SLC35D4: variants seen among roughly 807,000 people sequenced by gnomAD.
The protein encoded by SLC35D4 is solute carrier family 35 member D4, also known as UDP-N-acetylglucosamine transporter SLC35D4.
the SLC35D4 span, among the ~76,000 whole-genome samples, chr18:23,305,860 A>G: frequency 6.6e-6 from 1 of 152,162 alleles, no homozygotes; most frequent in South Asian, 2.1e-4. Context: ...AGAGGCAGTG[A>G]TTTTTGACTT....
At chr18:23,287,802 G>C in the SLC35D4 span, among the ~76,000 whole-genome samples, 1 of 152,310 alleles carries the variant, frequency 6.6e-6, no homozygotes, top group Non-Finnish European at 1.5e-5. Context: ...GAAGTGCAGA[G>C]CTGTGCAGTC....
the SLC35D4 span, among the ~76,000 whole-genome samples, chr18:23,387,468 G>T: frequency 6.6e-6 from 1 of 152,312 alleles, no homozygotes; most frequent in East Asian, 1.9e-4. Flanking sequence ...CACAAAGGGT[G>T]TCAATAACAT....
At chr18:23,252,833 G>A in the SLC35D4 span, 8 of 624,826 alleles carry the variant, frequency 1.3e-5, no homozygotes, top group South Asian at 1.5e-4. Flanking sequence ...AGCCCTTGTT[G>A]TAGCTCCAAT....
At chr18:23,256,875 T>C in the SLC35D4 span, among the ~76,000 whole-genome samples, 1 of 152,238 alleles carries the variant, frequency 6.6e-6, no homozygotes, top group Non-Finnish European at 1.5e-5. Context: ...AGTGCTGCAA[T>C]TGGCTACACA....
At chr18:23,400,016 AG>A in the SLC35D4 span, among the ~76,000 whole-genome samples, 3 of 152,334 alleles carry the variant, frequency 2.0e-5, no homozygotes, top group African/African-American at 7.2e-5. Flanking sequence ...AAAATTGAAA[AG>A]GTTATTTACC....
chr18:23,369,431 C>A, the SLC35D4 span, among the ~76,000 whole-genome samples: 1 of 152,202 alleles, frequency 6.6e-6, no homozygotes, highest in African/African-American at 2.4e-5. Flanking sequence ...ACCAAAGCTG[C>A]TCCATTGACT....
At chr18:23,375,085 A>C in the SLC35D4 span, among the ~76,000 whole-genome samples, 224 of 151,856 alleles carry the variant, frequency 1.5e-3, no homozygotes, top group Admixed American at 3.5e-3. Flanking sequence ...ACTGCACTCC[A>C]GCCTGGGCAA....
the SLC35D4 span, among the ~76,000 whole-genome samples, chr18:23,409,690 A>C: frequency 3.3e-5 from 5 of 152,154 alleles, no homozygotes; most frequent in African/African-American, 1.2e-4. Flanking sequence ...TAAAAAATGC[A>C]AAAATTAGCT....
At chr18:23,334,961 C>T in the SLC35D4 span, among the ~76,000 whole-genome samples, 1 of 151,508 alleles carries the variant, frequency 6.6e-6, no homozygotes, top group African/African-American at 2.4e-5. Flanking sequence ...GCTGAGATCG[C>T]GCCACTGCAC....
At chr18:23,309,817 C>G in the SLC35D4 span, 1 of 1,445,840 alleles carries the variant, frequency 6.9e-7, no homozygotes, top group Non-Finnish European at 9.7e-7. Context: ...ATTTTTTTCA[C>G]AAGCTTAGCT....
chr18:23,353,866 A>G, the SLC35D4 span, among the ~76,000 whole-genome samples: 2 of 152,178 alleles, frequency 1.3e-5, no homozygotes, highest in African/African-American at 2.4e-5. Context: ...GCCTTAAAGT[A>G]GAAATAATCA....
chr18:23,433,279 C>G, the SLC35D4 span, among the ~76,000 whole-genome samples: 1 of 152,134 alleles, frequency 6.6e-6, no homozygotes, highest in Non-Finnish European at 1.5e-5. Context: ...GTCTTGGTCT[C>G]TCAAAGTGCT....
At chr18:23,291,867 C>T in the SLC35D4 span, among the ~76,000 whole-genome samples, 1 of 152,060 alleles carries the variant, frequency 6.6e-6, no homozygotes, top group Non-Finnish European at 1.5e-5. Flanking sequence ...AGACAAGCCA[C>T]CACTGCTTCT....
the SLC35D4 span, among the ~76,000 whole-genome samples, chr18:23,265,857 C>T: frequency 1.3e-5 from 2 of 152,076 alleles, no homozygotes; most frequent in Non-Finnish European, 2.9e-5. Context: ...GGAAGCAGAT[C>T]GCCTCTGAGG....
the SLC35D4 span, among the ~76,000 whole-genome samples, chr18:23,314,860 G>T: frequency 6.6e-6 from 1 of 152,236 alleles, no homozygotes; most frequent in Non-Finnish European, 1.5e-5. Flanking sequence ...TCAATACGAG[G>T]TGTCAGCCGC....
At chr18:23,359,246 G>A in the SLC35D4 span, among the ~76,000 whole-genome samples, 1 of 152,058 alleles carries the variant, frequency 6.6e-6, no homozygotes, top group African/African-American at 2.4e-5. Flanking sequence ...TTAGCTGGGC[G>A]TGGTGGCGGG....
the SLC35D4 span, among the ~76,000 whole-genome samples, chr18:23,286,281 T>C: frequency 6.6e-6 from 1 of 152,146 alleles, no homozygotes; most frequent in Non-Finnish European, 1.5e-5. Flanking sequence ...TGGCCAGGCA[T>C]TCCTCCAGAA....
the SLC35D4 span, among the ~76,000 whole-genome samples, chr18:23,379,355 C>T: frequency 1.3e-5 from 2 of 152,094 alleles, no homozygotes; most frequent in Non-Finnish European, 2.9e-5. Flanking sequence ...AACTCATGGC[C>T]TCAAGTGATC....
the SLC35D4 span, chr18:23,258,369 T>C: frequency 3.3e-5 from 5 of 152,412 alleles, no homozygotes; most frequent in Non-Finnish European, 7.3e-5. Flanking sequence ...GCACGACGCA[T>C]GATTGGTGTT....
Sources: gnomAD v4.1 joint callset for allele counts (sites outside exome capture counted in the v4.1 genomes callset) on GRCh38, gnomAD v4.1.1 for gene constraint, MANE v1.5 for transcripts, NCBI Gene and HGNC (gene_info 2026-07-23, HGNC 2026-07-21) for gene names.